Variants in KCNMA1 observed in about 807,000 individuals in gnomAD.
KCNMA1 encodes potassium calcium-activated channel subfamily M alpha 1.
A neutral mutation model predicts 140.0 loss-of-function variants in KCNMA1; 29 were observed. The observed-to-expected ratio is 0.21, with a 90% CI of 0.15 to 0.28. KCNMA1 has a LOEUF of 0.28. Ranked by LOEUF, KCNMA1 falls within the 10% of genes least tolerant of loss-of-function variation. KCNMA1 has a pLI of 1.00. For missense variants in KCNMA1, 880 were observed against 1,602.2 expected (o/e 0.55, Z 7.70); for synonymous variants, 612 against 611.9 (o/e 1.00, Z 0.00).
intron 5 of KCNMA1, among the ~76,000 whole-genome samples, chr10:77,134,081 G>C (rs1233509801): frequency 2.6e-5 from 4 of 152,108 alleles, no homozygotes; most frequent in Non-Finnish European, 4.4e-5. Flanking sequence ...ATAAGTTTGA[G>C]ATGAATTAAA....
chr10:77,110,596 G>A (rs550934353), intron 7 of KCNMA1, among the ~76,000 whole-genome samples: 1 of 152,264 alleles, frequency 6.6e-6, no homozygotes, highest in South Asian at 2.1e-4. Flanking sequence ...AAGCAAGAAG[G>A]GAAATATCTC....
intron 14 of KCNMA1, among the ~76,000 whole-genome samples, chr10:77,066,343 T>A (rs1303389362): frequency 6.6e-6 from 1 of 152,154 alleles, no homozygotes; most frequent in East Asian, 1.9e-4. Context: ...CCTGCTGTAT[T>A]GAATGTGGTG....
At chr10:77,637,174 C>A (rs56084067) in intron 1 of KCNMA1, 91 bp downstream of exon 1, 3 of 1,306,616 alleles carry the variant, frequency 2.3e-6, no homozygotes, top group Non-Finnish European at 3.1e-6. Flanking sequence ...GAGGGAGGCA[C>A]GGCGCGGCGC....
chr10:77,284,617 G>A (rs915506300), intron 2 of KCNMA1, among the ~76,000 whole-genome samples: 3 of 151,934 alleles, frequency 2.0e-5, no homozygotes, highest in East Asian at 1.9e-4. Flanking sequence ...AGGTTCAAGC[G>A]ATTCTCTTGC....
intron 23 of KCNMA1, among the ~76,000 whole-genome samples, chr10:76,943,990 C>G (rs891321750): frequency 2.0e-5 from 3 of 152,162 alleles, no homozygotes; most frequent in Non-Finnish European, 2.9e-5. Flanking sequence ...TCTGGCAGCT[C>G]GTCTGTAACA....
chr10:77,270,175 A>G (rs1250187597), intron 2 of KCNMA1, among the ~76,000 whole-genome samples: 1 of 152,186 alleles, frequency 6.6e-6, no homozygotes, highest in Non-Finnish European at 1.5e-5. Context: ...TTGTCAAGGA[A>G]CAGGCAAGGG....
chr10:76,962,072 C>G (rs564433583), intron 20 of KCNMA1, among the ~76,000 whole-genome samples: 2 of 152,162 alleles, frequency 1.3e-5, no homozygotes. Flanking sequence ...AGAAAAAGCT[C>G]GCCTTGAAGA....
At chr10:77,316,209 C>T (rs190743798) in intron 2 of KCNMA1, among the ~76,000 whole-genome samples, 3 of 152,004 alleles carry the variant, frequency 2.0e-5, no homozygotes, top group Non-Finnish European at 4.4e-5. Context: ...GAAGGTTCAA[C>T]AACACCAATT....
At chr10:77,337,410 C>T (rs879079337) in intron 2 of KCNMA1, among the ~76,000 whole-genome samples, 2 of 152,224 alleles carry the variant, frequency 1.3e-5, no homozygotes, top group African/African-American at 4.8e-5. Context: ...CATTTGAGGT[C>T]GAGTTCCAGA....
chr10:76,974,510 T>C (rs1477208722), intron 19 of KCNMA1: 2 of 1,549,400 alleles, frequency 1.3e-6, no homozygotes, highest in South Asian at 1.2e-5. Flanking sequence ...AAGCCGAGAA[T>C]TGGGAGTCTC....
chr10:77,531,187 C>T (rs1343906264), intron 1 of KCNMA1, among the ~76,000 whole-genome samples: 4 of 152,134 alleles, frequency 2.6e-5, no homozygotes, highest in Admixed American at 2.0e-4. Flanking sequence ...AAGTCTTTGC[C>T]GCTCTTGTAA....
chr10:77,590,101 T>A (rs984059667), intron 1 of KCNMA1, among the ~76,000 whole-genome samples: 4 of 152,190 alleles, frequency 2.6e-5, no homozygotes, highest in Non-Finnish European at 5.9e-5. Context: ...GGGTGCTGAT[T>A]GGTGTGTTTA....
rs2092540413 is a variant in KCNMA1 at position 77,019,193 on chromosome 10, A to AG, written c.1929-95dup. The stretch of plus-strand genomic sequence containing the variant: ...GGCTACACCATACTGTTGTGTTTAT[A>AG]GGGGGCCCACTAGTCTAAAGCTTTC... On this transcript the variant is annotated intron_variant, in intron 16 of 27. Coordinates refer to ENST00000286628, the MANE Select transcript of KCNMA1 (RefSeq NM_001161352.2). 5 of 753,908 alleles carry AG rather than the reference A, an allele frequency of 6.6e-6. No individual in the cohort carries two copies. In the East Asian group the frequency reaches 1.3e-4, roughly 20 times the overall value. The allele number at this position is 753,908 out of a possible 1,614,324, so 46.7% of individuals were successfully genotyped here. A position where few individuals can be genotyped will look rare whatever the true frequency, so the allele number is the denominator to read the frequency against.
intron 2 of KCNMA1, among the ~76,000 whole-genome samples, chr10:77,402,390 A>G (rs560622471): frequency 6.6e-6 from 1 of 152,170 alleles, no homozygotes; most frequent in Non-Finnish European, 1.5e-5. Context: ...GCAGCCACTG[A>G]CCTCACCAGT....
intron 3 of KCNMA1, among the ~76,000 whole-genome samples, chr10:77,230,815 T>C (rs1262733769): frequency 6.6e-6 from 1 of 152,196 alleles, no homozygotes; most frequent in Admixed American, 6.5e-5. Flanking sequence ...CCTACTTTTA[T>C]GTGAAAAGGA....
chr10:77,564,520 T>C (rs2067465415), intron 1 of KCNMA1, among the ~76,000 whole-genome samples: 1 of 152,030 alleles, frequency 6.6e-6, no homozygotes, highest in African/African-American at 2.4e-5. Context: ...GAGGCAAAGA[T>C]TGAAGTGAAC....
chr10:77,554,840 T>A (rs527461869), intron 1 of KCNMA1, among the ~76,000 whole-genome samples: 37 of 152,192 alleles, frequency 2.4e-4, no homozygotes, highest in African/African-American at 8.7e-4. Flanking sequence ...ACGGCCCATT[T>A]TCTCAAACTA....
intron 2 of KCNMA1, among the ~76,000 whole-genome samples, chr10:77,357,497 A>G (rs1458170322): frequency 6.6e-6 from 1 of 152,222 alleles, no homozygotes; most frequent in Non-Finnish European, 1.5e-5. Flanking sequence ...TGTCTTGTAT[A>G]TTCCATTCAG....
At chr10:77,097,459 G>A (rs1258224037) in intron 9 of KCNMA1, among the ~76,000 whole-genome samples, 1 of 152,098 alleles carries the variant, frequency 6.6e-6, no homozygotes, top group African/African-American at 2.4e-5. Flanking sequence ...GTTAACTGAT[G>A]GATTGGTTGA....
Sources: gnomAD v4.1 joint callset for allele counts (sites outside exome capture counted in the v4.1 genomes callset) on GRCh38, gnomAD v4.1.1 for gene constraint, MANE v1.5 for transcripts, NCBI Gene and HGNC (gene_info 2026-07-23, HGNC 2026-07-21) for gene names.